The following WASHC5 variants were observed in gnomAD, a reference collection of about 807,000 sequenced individuals.
The protein encoded by WASHC5 is WASH complex subunit strumpellin.
Under a neutral mutation model 150.4 loss-of-function variants are expected in WASHC5, and 101 were observed. The ratio of observed to expected loss-of-function variants is 0.67; its 90% confidence interval spans 0.57 to 0.79. WASHC5 has a LOEUF of 0.79. Ranked by LOEUF, WASHC5 falls within the 30% of genes least tolerant of loss-of-function variation. WASHC5 has a pLI of 0.00. For synonymous variants in WASHC5, 467 were observed against 491.2 expected (o/e 0.95, Z 0.65); for missense variants, 1,195 against 1,396.3 (o/e 0.86, Z 2.30).
At chr8:125,076,763 T>TAAAAAAAAAAAAAAAAC (rs1817075850) in intron 6 of WASHC5, among the ~76,000 whole-genome samples, 12 of 120,950 alleles carry the variant, frequency 9.9e-5, no homozygotes, top group African/African-American at 5.5e-4. Context: ...AAAAAAAAAG[T>TAAAAAAAAAAAAAAAAC]CCCATTCCTG....
chr8:125,060,830 T>G lies in WASHC5; in HGVS notation c.1521+252A>C, dbSNP rs75946876. Among the ~76,000 whole-genome samples, 3,981 of 152,272 alleles carry G rather than the reference T, an allele frequency of 0.026. 174 individuals are homozygous for G. Among genetic ancestry groups the G allele is most frequent in the African/African-American group, 0.092 (3,811 of 41,516 alleles). On this transcript the variant is annotated intron_variant, in intron 12 of 28. Coordinates refer to ENST00000318410, the MANE Select transcript of WASHC5 (RefSeq NM_014846.4). ...TTTGCCCAATGTTTCTATATTATTT[T>G]TATAATTATGTTTCTAAGATTACAT...
At chr8:125,053,407 T>C (rs1816308607) in intron 17 of WASHC5, among the ~76,000 whole-genome samples, 1 of 152,200 alleles carries the variant, frequency 6.6e-6, no homozygotes, top group Admixed American at 6.5e-5. Flanking sequence ...CCAAGCAGTC[T>C]TGGTAAAATT....
rs778948449 is a variant in WASHC5 at position 125,039,850 on chromosome 8, A to G, written c.2899T>C (p.Tyr967His). The change falls in exon 24 of 29, where the codon TAT (tyrosine) becomes CAT (histidine). Residue 967 changes from tyrosine to histidine, a missense_variant. Around this residue, in one of 3 missense-constraint regions of WASHC5, gnomAD observed 997 missense variants for 1,168.1 expected, o/e 0.85. Transcript: ENST00000318410. Reference sequence around the variant, plus strand: ...TGTTTAGAATCAAACCGACAAGAATAATTTAATTCATTGGCAATCTGTTGT... The same window carrying G: ...TGTTTAGAATCAAACCGACAAGAATGATTTAATTCATTGGCAATCTGTTGT... The part of the protein sequence containing the change: ...LRQQIANELN[Y>H]SCRFDSKHLA... 5.0e-5 allele frequency: 80 copies of G among 1,613,772 alleles called. 3 individuals are homozygous for G. The South Asian group carries it at 8.8e-4, about 18-fold the overall frequency.
intron 6 of WASHC5, 89 bp downstream of exon 6, chr8:125,078,649 G>A: frequency 5.5e-6 from 6 of 1,091,742 alleles, no homozygotes; most frequent in Non-Finnish European, 8.4e-6. Flanking sequence ...ACTCTTTTGG[G>A]AAAGAAGGAA....
chr8:125,079,880 T>TA (rs1364909184), intron 5 of WASHC5, among the ~76,000 whole-genome samples: 1 of 152,194 alleles, frequency 6.6e-6, no homozygotes, highest in Non-Finnish European at 1.5e-5. Context: ...TGTATATATA[T>TA]TTTTTCAGAG....
Position 125,063,604 on chromosome 8 carries a change from G to A in WASHC5, c.1326C>T (p.Tyr442=), listed in dbSNP as rs761490655. The change falls in exon 11 of 29, where the codon TAC becomes TAT. Residue 442 remains tyrosine (Y), a synonymous_variant. Coordinates refer to ENST00000318410, the MANE Select transcript of WASHC5 (RefSeq NM_014846.4). The part of the protein sequence containing the change: ...LSEKQTKWEH[Y]KKEGSERMTE... ...TCATCCGCTCCGAACCCTCTTTCTTGTAATGCTCCCATTTGGTTTGCTTTT... is the reference window on the plus strand; with the variant it reads ...TCATCCGCTCCGAACCCTCTTTCTTATAATGCTCCCATTTGGTTTGCTTTT... The A allele has an allele frequency of 1.5e-5, 25 of 1,613,664 alleles. 1 individual carries two copies. The South Asian group carries it at 2.7e-4, about 18-fold the overall frequency.
At chr8:125,035,593 C>G (rs950049941) in intron 26 of WASHC5, among the ~76,000 whole-genome samples, 9 of 152,186 alleles carry the variant, frequency 5.9e-5, no homozygotes, top group Non-Finnish European at 1.0e-4. Flanking sequence ...GGTGACTTGG[C>G]CAAAGTCACA....
chr8:125,061,415 C>T (rs1816591075), intron 11 of WASHC5, among the ~76,000 whole-genome samples: 1 of 152,152 alleles, frequency 6.6e-6, no homozygotes, highest in Admixed American at 6.5e-5. Context: ...CAGACAAATA[C>T]TAAAGGCTCA....
At chr8:125,079,069 A>G in intron 5 of WASHC5, 139 bp from the exon 6 acceptor site, 2 of 598,728 alleles carry the variant, frequency 3.3e-6, no homozygotes. Flanking sequence ...TATCCTCAAT[A>G]TATCCTCAAG....
At chr8:125,037,937 G>A (rs1563610803) in intron 25 of WASHC5, among the ~76,000 whole-genome samples, 2 of 152,166 alleles carry the variant, frequency 1.3e-5, no homozygotes, top group Admixed American at 6.5e-5. Context: ...GATTCCATAG[G>A]AGACAGGGTA....
chr8:125,084,831 G>A (rs1817371293), intron 1 of WASHC5, among the ~76,000 whole-genome samples: 1 of 152,216 alleles, frequency 6.6e-6, no homozygotes, highest in South Asian at 2.1e-4. Context: ...AAGCCTGGCT[G>A]CTTAAGGGAA....
intron 25 of WASHC5, among the ~76,000 whole-genome samples, chr8:125,037,706 A>G (rs1481717389): frequency 1.3e-5 from 2 of 151,998 alleles, no homozygotes; most frequent in Non-Finnish European, 2.9e-5. Context: ...AGTGTGGGAG[A>G]GAGAAGAGAG....
chr8:125,056,117 T>C (rs2130082229), intron 16 of WASHC5, among the ~76,000 whole-genome samples: 1 of 152,352 alleles, frequency 6.6e-6, no homozygotes, highest in East Asian at 1.9e-4. Flanking sequence ...TCTAAGTCCC[T>C]GACATATTTC....
At chr8:125,047,976 G>C (rs1816123818) in intron 19 of WASHC5, among the ~76,000 whole-genome samples, 1 of 152,178 alleles carries the variant, frequency 6.6e-6, no homozygotes, top group Admixed American at 6.5e-5. Context: ...CCTCCAAGTA[G>C]CTGGGACTAC....
chr8:125,038,679 T>A (rs1815787648), intron 25 of WASHC5, 151 bp downstream of exon 25: 1 of 892,120 alleles, frequency 1.1e-6, no homozygotes, highest in Admixed American at 1.9e-5. Flanking sequence ...GAAAGTGTGA[T>A]GATTGCTTAG....
At chr8:125,074,940 T>C in intron 8 of WASHC5, 58 bp downstream of exon 8, 1 of 976,606 alleles carries the variant, frequency 1.0e-6, no homozygotes, top group South Asian at 1.3e-5. Context: ...TTAGCTTATT[T>C]GCTACTTCAT....
In WASHC5 at chr8:125,050,630, C is replaced by T. The variant is rs1287926744; in HGVS notation, c.2133G>A (p.Arg711=). ...AGGCAACGCGCTTCACAAGCTCTTT[C>T]CTTATTCCATCTTCCAGCAACTGCT... is the stretch of plus-strand genomic sequence containing the variant. The part of the protein sequence containing the change: ...DPKQLLEDGI[R]KELVKRVAFA... Residue 711 remains arginine, a synonymous_variant, in exon 18 of 29, where the codon AGG becomes AGA. Transcript: ENST00000318410. The T allele has an allele frequency of 1.9e-6, 3 of 1,614,030 alleles. No homozygotes were observed. The African/African-American group carries it at 4.0e-5, about 22-fold the overall frequency.
At chr8:125,084,054 ATTTG>A in intron 1 of WASHC5, 32 bp from the exon 2 acceptor site, 1 of 727,950 alleles carries the variant, frequency 1.4e-6, no homozygotes, top group Non-Finnish European at 2.4e-6. Context: ...GAAAATCTCA[ATTTG>A]TTTAAGGAAG....
At chr8:125,068,577 G>C (rs1332979421) in intron 9 of WASHC5, among the ~76,000 whole-genome samples, 1 of 152,192 alleles carries the variant, frequency 6.6e-6, no homozygotes, top group African/African-American at 2.4e-5. Flanking sequence ...ACTACTAGAT[G>C]CTGAGTCCTC....
Sources: allele counts gnomAD v4.1 joint callset (sites outside exome capture counted in the v4.1 genomes callset), GRCh38; gene constraint gnomAD v4.1.1; regional missense constraint gnomAD v4.1.1; transcripts MANE v1.5; gene names NCBI Gene and HGNC (gene_info 2026-07-23, HGNC 2026-07-21).